SAP30L: variants seen among roughly 807,000 people sequenced by gnomAD.
The protein encoded by SAP30L is SAP30 like, also known as histone deacetylase complex subunit SAP30L.
Under a neutral mutation model 22.3 loss-of-function variants are expected in SAP30L, and 10 were observed. That is an observed-to-expected ratio of 0.45 (90% CI 0.28 to 0.76). The LOEUF (loss-of-function observed/expected upper bound fraction) is 0.76. SAP30L is among the 30% of genes least tolerant of loss of function. SAP30L has a pLI of 0.14. For synonymous variants in SAP30L, 91 were observed against 94.1 expected, an observed-to-expected ratio of 0.97 and a Z score of 0.19; for missense variants, 206 against 237.9, an observed-to-expected ratio of 0.87 and a Z score of 0.88.
intron 3 of SAP30L, among the ~76,000 whole-genome samples, chr5:154,454,091 T>C (rs1330434171): frequency 6.6e-6 from 1 of 152,264 alleles, no homozygotes; most frequent in East Asian, 1.9e-4. Context: ...GTGCTGAGAT[T>C]ACAGGCGTGA....
chr5:154,449,510 A>C (rs1757095314), intron 1 of SAP30L, among the ~76,000 whole-genome samples: 1 of 152,218 alleles, frequency 6.6e-6, no homozygotes, highest in South Asian at 2.1e-4. Flanking sequence ...AGCTTTAGGA[A>C]GCCACCTATT....
At position 154,459,777 on chromosome 5, in the gene SAP30L, T is replaced by G. The variant is rs1406340578; in HGVS notation, c.*3749T>G. On this transcript the variant is annotated 3_prime_UTR_variant, in exon 4 of 4. Transcript: ENST00000297109. ...TTCAGCTGGAGGATTTATAACTTCG[T>G]TGCTTTGCATGAAGTTTAAAGTTTT... 4 of 152,262 alleles carry G rather than the reference T, an allele frequency of 2.6e-5. No homozygotes were observed. Among genetic ancestry groups the G allele is most frequent in the Non-Finnish European group, 5.9e-5 (4 of 68,054 alleles). 9.4% of individuals were successfully genotyped at this position (152,262 alleles called of 1,614,324 possible). A position where few individuals can be genotyped will look rare whatever the true frequency, so the allele number is the denominator to read the frequency against.
chr5:154,447,695 C>G (rs1341626385), intron 1 of SAP30L, among the ~76,000 whole-genome samples: 1 of 152,192 alleles, frequency 6.6e-6, no homozygotes, highest in East Asian at 1.9e-4. Context: ...AACATCCATT[C>G]TCTTCTAGAA....
rs1214098324 is a variant in SAP30L at position 154,460,187 on chromosome 5, A to G, written c.*4159A>G. On this transcript the variant is annotated 3_prime_UTR_variant, in exon 4 of 4. Coordinates refer to ENST00000297109, the MANE Select transcript of SAP30L (RefSeq NM_024632.6). ...CAGGGACCAACCTGCAGAACTCAAG[A>G]TTGAGCGAAATGTTTAGGCCAGTTG... 1 of 152,158 alleles carries G rather than the reference A, an allele frequency of 6.6e-6. No individual in the cohort carries two copies. Among genetic ancestry groups the G allele is most frequent in the Admixed American group, 6.5e-5 (1 of 15,286 alleles). The allele number at this position is 152,158 out of a possible 1,614,324, so 9.4% of individuals were successfully genotyped here.
rs1392926548 is a variant in SAP30L at position 154,446,750 on chromosome 5, A to G, written c.146A>G (p.Lys49Arg). 1 of 1,608,242 alleles carries G rather than the reference A, an allele frequency of 6.2e-7. No individual in the cohort carries two copies. The highest frequency in any genetic ancestry group is 1.3e-5 in the African/African-American group (1 of 74,600). The change falls in exon 1 of 4, where the codon AAG becomes AGG. Residue 49 changes from lysine to arginine, a missense_variant. Lys to Arg is a conservative substitution (Grantham distance 26, BLOSUM62 2). Coordinates refer to ENST00000297109, the MANE Select transcript of SAP30L (RefSeq NM_024632.6). The part of the protein sequence containing the change: ...VRPAGNASFS[K>R]RVQKSISQKK... ...CCCGCGGGCAACGCCTCCTTCAGCAAGAGGGTCCAGAAGAGCATCTCGCAG... is the reference window on the plus strand; with the variant it reads ...CCCGCGGGCAACGCCTCCTTCAGCAGGAGGGTCCAGAAGAGCATCTCGCAG...
chr5:154,455,395 A>T (rs1305465844), intron 3 of SAP30L, among the ~76,000 whole-genome samples: 1 of 151,892 alleles, frequency 6.6e-6, no homozygotes, highest in South Asian at 2.1e-4. Flanking sequence ...TTTGGTAGAG[A>T]TGAGTTCTCC....
In SAP30L at chr5:154,458,017, T is replaced by C. The variant is rs1757300188; in HGVS notation, c.*1989T>C. ...TACGTAAACCAGAATTGTGGGCGTG[T>C]AGGTCACATCACTATTTCTTTAGCA... On this transcript the variant is annotated 3_prime_UTR_variant, in exon 4 of 4. Transcript: ENST00000297109. 1 of 152,244 alleles carries C rather than the reference T, an allele frequency of 6.6e-6. No individual in the cohort carries two copies. Among genetic ancestry groups the C allele is most frequent in the Admixed American group, 6.5e-5 (1 of 15,286 alleles). 9.4% of individuals were successfully genotyped at this position (152,244 alleles called of 1,614,324 possible).
Position 154,446,480 on chromosome 5 carries a change from CG to C in SAP30L, c.-122del. On this transcript the variant is annotated 5_prime_UTR_variant, in exon 1 of 4. Coordinates refer to ENST00000297109, the MANE Select transcript of SAP30L (RefSeq NM_024632.6). ...CTCGGACGCGGGGCAGGGCAGCGCC[CG>C]GGCTGGAGACGGACTCTGGGACCCT... The C allele has an allele frequency of 2.5e-6, 2 of 790,256 alleles. No individual in the cohort carries two copies. The highest frequency in any genetic ancestry group is 3.6e-6 in the Non-Finnish European group (2 of 555,312). The allele number at this position is 790,256 out of a possible 1,614,324, so 49.0% of individuals were successfully genotyped here. A position where few individuals can be genotyped will look rare whatever the true frequency, so the allele number is the denominator to read the frequency against.
At chr5:154,450,045 G>T (rs1484266153) in intron 1 of SAP30L, among the ~76,000 whole-genome samples, 2 of 152,180 alleles carry the variant, frequency 1.3e-5, no homozygotes, top group Admixed American at 1.3e-4. Context: ...TATCTTTAAG[G>T]ATTTAAGGAA....
chr5:154,459,754 C>G lies in SAP30L; in HGVS notation c.*3726C>G, dbSNP rs1257963747. 1 of 152,188 alleles carries G rather than the reference C, an allele frequency of 6.6e-6. No homozygotes were observed. 9.4% of individuals were successfully genotyped at this position (152,188 alleles called of 1,614,324 possible). A position where few individuals can be genotyped will look rare whatever the true frequency, so the allele number is the denominator to read the frequency against. ...ATGCTCACATCATCAGGAAATTGTT[C>G]AGCTGGAGGATTTATAACTTCGTTG... On this transcript the variant is annotated 3_prime_UTR_variant, in exon 4 of 4. Coordinates refer to ENST00000297109, the MANE Select transcript of SAP30L (RefSeq NM_024632.6).
chr5:154,451,030 G>GATACCTATTGCT (rs1757127698), intron 1 of SAP30L, 61 bp from the exon 2 acceptor site: 3 of 1,589,502 alleles, frequency 1.9e-6, no homozygotes, highest in Non-Finnish European at 2.6e-6. Flanking sequence ...CAATTCGACA[G>GATACCTATTGCT]ATACCTATTG....
intron 1 of SAP30L, among the ~76,000 whole-genome samples, chr5:154,448,007 ACT>A (rs2113267091): frequency 8.9e-6 from 1 of 112,182 alleles, no homozygotes; most frequent in Non-Finnish European, 1.6e-5. Flanking sequence ...ACGGAGTCTC[ACT>A]CTGTCACCCA....
rs1757014605 is a variant in SAP30L at position 154,446,632 on chromosome 5, A to G, written c.28A>G (p.Ser10Gly). The part of the protein sequence containing the change: MNGFSTEED[S>G]REGPPAAPAA... ...GAACGGCTTCAGCACGGAGGAGGAC[A>G]GCCGCGAAGGGCCCCCCGCCGCCCC... The change falls in exon 1 of 4, where the codon AGC (serine) becomes GGC (glycine). Residue 10 changes from serine to glycine, a missense_variant. Around this residue, in one of 2 missense-constraint regions of SAP30L, gnomAD observed 70 missense variants for 50.5 expected, o/e 1.39. Transcript: ENST00000297109. 1 of 1,525,472 alleles carries G rather than the reference A, an allele frequency of 6.6e-7. No individual in the cohort carries two copies. 94.5% of individuals were successfully genotyped at this position (1,525,472 alleles called of 1,614,324 possible).
chr5:154,451,288 G>C, intron 2 of SAP30L, 75 bp downstream of exon 2: 2 of 1,490,480 alleles, frequency 1.3e-6, no homozygotes, highest in Non-Finnish European at 1.8e-6. Context: ...GGCCTGGTCT[G>C]CTTTTTGTGT....
At chr5:154,448,939 T>G (rs1235619823) in intron 1 of SAP30L, among the ~76,000 whole-genome samples, 1 of 151,918 alleles carries the variant, frequency 6.6e-6, no homozygotes, top group African/African-American at 2.4e-5. Flanking sequence ...AGGTAACTGG[T>G]ATGTTACAAG....
At position 154,446,497 on chromosome 5, in the gene SAP30L, CTG is replaced by C; in HGVS notation, c.-107_-106del. 1 of 953,388 alleles carries C rather than the reference CTG, an allele frequency of 1.0e-6. No individual in the cohort carries two copies. Among genetic ancestry groups the C allele is most frequent in the Non-Finnish European group, 1.4e-6 (1 of 694,140 alleles). The allele number at this position is 953,388 out of a possible 1,614,324, so 59.1% of individuals were successfully genotyped here. ...GCAGCGCCCGGGCTGGAGACGGACTCTGGGACCCTCGGCTGCGGGGGTCTCAG... is the reference window on the plus strand; with the variant it reads ...GCAGCGCCCGGGCTGGAGACGGACTCGGACCCTCGGCTGCGGGGGTCTCAG... On this transcript the variant is annotated 5_prime_UTR_variant, in exon 1 of 4. Coordinates refer to ENST00000297109, the MANE Select transcript of SAP30L (RefSeq NM_024632.6).
chr5:154,460,514 T>C lies in SAP30L; in HGVS notation c.*4486T>C, dbSNP rs1382350028. ...TAGGGGTGCCTTTTTATTCCTTTCA[T>C]TGTATTATAGACTGTTTCCAAGTTT... On this transcript the variant is annotated 3_prime_UTR_variant, in exon 4 of 4. Coordinates refer to ENST00000297109, the MANE Select transcript of SAP30L (RefSeq NM_024632.6). 7 of 152,196 alleles carry C rather than the reference T, an allele frequency of 4.6e-5. No individual in the cohort carries two copies. The highest frequency in any genetic ancestry group is 1.7e-4 in the African/African-American group (7 of 41,446). The allele number at this position is 152,196 out of a possible 1,614,324, so 9.4% of individuals were successfully genotyped here.
At chr5:154,446,893 T>C in intron 1 of SAP30L, 88 bp downstream of exon 1, 1 of 1,159,932 alleles carries the variant, frequency 8.6e-7, no homozygotes, top group Non-Finnish European at 1.2e-6. Context: ...CCCCGGGCAC[T>C]CCCCGCCGTG....
rs187750107 is a variant in SAP30L at position 154,450,899 on chromosome 5, C to A, written c.202-192C>A. The stretch of plus-strand genomic sequence containing the variant: ...TGGAAGTTTGGTGTATGATACGCTG[C>A]CAAGTGTGATGTTAGCATTCTCTTT... On this transcript the variant is annotated intron_variant, in intron 1 of 3. Coordinates refer to ENST00000297109, the MANE Select transcript of SAP30L (RefSeq NM_024632.6). Among the ~76,000 whole-genome samples the A allele has an allele frequency of 1.4e-3, 216 of 152,288 alleles. 1 individual carries two copies. Among genetic ancestry groups the A allele is most frequent in the Admixed American group, 2.0e-3 (30 of 15,294 alleles).
Sources: gnomAD v4.1 joint callset for allele counts (sites outside exome capture counted in the v4.1 genomes callset) on GRCh38, gnomAD v4.1.1 for gene constraint, gnomAD v4.1.1 regional missense constraint, MANE v1.5 for transcripts, NCBI Gene and HGNC (gene_info 2026-07-23, HGNC 2026-07-21) for gene names.